CCSER1: variants seen among roughly 807,000 people sequenced by gnomAD.
The protein encoded by CCSER1 is serine-rich coiled-coil domain-containing protein 1.
CCSER1 carries 41 observed loss-of-function variants against 82.0 expected under a neutral mutation model. The observed-to-expected ratio is 0.50, with a 90% CI of 0.39 to 0.65. The LOEUF (loss-of-function observed/expected upper bound fraction) is 0.65, where lower values mean the gene tolerates loss of function less well. Among genes scored for constraint, CCSER1 ranks in the 30% least tolerant of loss-of-function variants. The pLI is 0.00. For synonymous variants in CCSER1, 414 were observed against 383.9 expected (o/e 1.08, Z -0.92); for missense variants, 1,119 against 1,064.2 (o/e 1.05, Z -0.72).
At chr4:90,716,542 AT>A (rs1174378249) in intron 6 of CCSER1, among the ~76,000 whole-genome samples, 1 of 152,108 alleles carries the variant, frequency 6.6e-6, no homozygotes, top group Non-Finnish European at 1.5e-5. Context: ...CATAGTGCTT[AT>A]TCCCATACAG....
chr4:90,913,573 A>G (rs943734384), intron 8 of CCSER1, among the ~76,000 whole-genome samples: 52 of 152,204 alleles, frequency 3.4e-4, no homozygotes, highest in African/African-American at 1.1e-3. Context: ...CTAGGAAGAA[A>G]CTGCATCAAC....
intron 1 of CCSER1, among the ~76,000 whole-genome samples, chr4:90,246,848 T>C (rs1360252412): frequency 6.6e-6 from 1 of 152,192 alleles, no homozygotes; most frequent in Non-Finnish European, 1.5e-5. Context: ...TGATCTTAGC[T>C]AACCTCACTA....
chr4:91,483,235 G>T (rs1758042811), intron 10 of CCSER1, among the ~76,000 whole-genome samples: 1 of 152,024 alleles, frequency 6.6e-6, no homozygotes, highest in Non-Finnish European at 1.5e-5. Flanking sequence ...AGATGCTGAT[G>T]GTACATACAG....
chr4:90,128,514 TGTGC>T (rs961814850), intron 1 of CCSER1, among the ~76,000 whole-genome samples: 2 of 151,264 alleles, frequency 1.3e-5, no homozygotes, highest in African/African-American at 4.9e-5. Flanking sequence ...TGTGTGTGTG[TGTGC>T]GCGCGCGCGC....
At chr4:90,809,039 C>T (rs1269753538) in intron 7 of CCSER1, among the ~76,000 whole-genome samples, 1 of 152,086 alleles carries the variant, frequency 6.6e-6, no homozygotes, top group African/African-American at 2.4e-5. Flanking sequence ...TATTATAAGT[C>T]AGGCACGGTG....
intron 6 of CCSER1, among the ~76,000 whole-genome samples, chr4:90,646,638 C>T (rs1727656751): frequency 6.6e-6 from 1 of 152,158 alleles, no homozygotes; most frequent in Admixed American, 6.5e-5. Context: ...GTCTATCCTG[C>T]TTTTCTTCAC....
chr4:90,166,595 C>A (rs1730502860), intron 1 of CCSER1, among the ~76,000 whole-genome samples: 2 of 151,756 alleles, frequency 1.3e-5, no homozygotes, highest in African/African-American at 2.4e-5. Flanking sequence ...TAATAAAATG[C>A]CTATATAAGT....
At position 91,203,583 on chromosome 4, in the gene CCSER1, A is replaced by G. The variant is rs570710634; in HGVS notation, c.2217+117589A>G. Among the ~76,000 whole-genome samples, 6 of 151,956 alleles carry G rather than the reference A, an allele frequency of 3.9e-5. 1 individual carries two copies. Among genetic ancestry groups the G allele is most frequent in the African/African-American group, 1.4e-4 (6 of 41,498 alleles). Reference sequence around the variant, plus strand: ...ATTAGTAAAATAGATCTGTATATACATGCATAAACACACATGTATACACAC... The same window carrying G: ...ATTAGTAAAATAGATCTGTATATACGTGCATAAACACACATGTATACACAC... On this transcript the variant is annotated intron_variant, in intron 10 of 10. Coordinates refer to ENST00000509176, the MANE Select transcript of CCSER1 (RefSeq NM_001145065.2).
chr4:90,535,472 T>C (rs1462232061), intron 5 of CCSER1, among the ~76,000 whole-genome samples: 1 of 152,188 alleles, frequency 6.6e-6, no homozygotes, highest in African/African-American at 2.4e-5. Context: ...ATTACTTTAA[T>C]AGTAGTAAAA....
chr4:90,983,723 C>A (rs1381673311), intron 9 of CCSER1, among the ~76,000 whole-genome samples: 1 of 151,696 alleles, frequency 6.6e-6, no homozygotes, highest in Non-Finnish European at 1.5e-5. Flanking sequence ...ATTAGACATC[C>A]TTTTCTCACA....
intron 10 of CCSER1, among the ~76,000 whole-genome samples, chr4:91,578,318 A>G (rs1291477416): frequency 6.6e-6 from 1 of 152,006 alleles, no homozygotes; most frequent in Non-Finnish European, 1.5e-5. Flanking sequence ...TTTCTAACAT[A>G]TACTATTCTT....
At chr4:90,500,347 T>G (rs1222594405) in intron 5 of CCSER1, among the ~76,000 whole-genome samples, 5 of 152,138 alleles carry the variant, frequency 3.3e-5, no homozygotes, top group Non-Finnish European at 7.4e-5. Flanking sequence ...CACATTTTTT[T>G]TTTTTAGACA....
intron 9 of CCSER1, among the ~76,000 whole-genome samples, chr4:90,926,578 T>C (rs1271944437): frequency 1.3e-5 from 2 of 152,084 alleles, no homozygotes; most frequent in Non-Finnish European, 2.9e-5. Context: ...AAACTACTTT[T>C]ATCCTGCACC....
chr4:91,287,545 G>C (rs1228955949), intron 10 of CCSER1, among the ~76,000 whole-genome samples: 1 of 151,970 alleles, frequency 6.6e-6, no homozygotes, highest in Non-Finnish European at 1.5e-5. Flanking sequence ...AACTGTGTTT[G>C]AAATATATCT....
intron 1 of CCSER1, among the ~76,000 whole-genome samples, chr4:90,131,769 A>G (rs1374597231): frequency 1.3e-5 from 2 of 152,182 alleles, no homozygotes; most frequent in African/African-American, 4.8e-5. Context: ...TTTAGCAACA[A>G]TTTTATGGCT....
intron 10 of CCSER1, among the ~76,000 whole-genome samples, chr4:91,298,774 C>T (rs1744428010): frequency 1.3e-5 from 2 of 151,984 alleles, no homozygotes; most frequent in Non-Finnish European, 2.9e-5. Context: ...ACCAAATAAA[C>T]AGAGAGATCA....
chr4:90,213,106 G>A (rs1740339641), intron 1 of CCSER1, among the ~76,000 whole-genome samples: 1 of 152,196 alleles, frequency 6.6e-6, no homozygotes, highest in Non-Finnish European at 1.5e-5. Flanking sequence ...TGATTTGACA[G>A]GTGCACTCTG....
chr4:91,103,516 T>C lies in CCSER1; in HGVS notation c.2217+17522T>C, dbSNP rs547590290. On this transcript the variant is annotated intron_variant, in intron 10 of 10. Transcript: ENST00000509176. ...CTCAATTAGATTAAAATCCAAGAAT[T>C]AGAGACTGTTGCAGGAAGTCAGGGA... Among the ~76,000 whole-genome samples, 61 of 152,296 alleles carry C rather than the reference T, an allele frequency of 4.0e-4. No individual in the cohort carries two copies. The South Asian group carries it at 5.2e-3, about 13-fold the overall frequency.
chr4:90,594,995 A>C, intron 5 of CCSER1, among the ~76,000 whole-genome samples: 1 of 152,142 alleles, frequency 6.6e-6, no homozygotes. Context: ...TAAGTAATAT[A>C]TTTTTATACT....
Sources: gnomAD v4.1 joint callset for allele counts (sites outside exome capture counted in the v4.1 genomes callset) on GRCh38, gnomAD v4.1.1 for gene constraint, MANE v1.5 for transcripts, NCBI Gene and HGNC (gene_info 2026-07-23, HGNC 2026-07-21) for gene names.